NPIPB2: variants seen among roughly 807,000 people sequenced by gnomAD.
The protein encoded by NPIPB2 is nuclear pore complex interacting protein family member B2.
In NPIPB2, 27 loss-of-function variants were observed where a neutral mutation model predicts 30.8. The observed-to-expected ratio is 0.88, with a 90% CI of 0.65 to 1.21. NPIPB2 has a LOEUF of 1.21. NPIPB2 is among the 50% of genes most tolerant of loss of function. The probability of loss-of-function intolerance (pLI) is 0.00; values close to 1 mark genes in which losing one functional copy is unlikely to be tolerated. For synonymous variants in NPIPB2, 147 were observed against 162.0 expected (o/e 0.91, Z 0.70); for missense variants, 440 against 446.2 (o/e 0.99, Z 0.13).
At chr16:11,949,514 G>A (rs367544388) in intron 1 of NPIPB2, among the ~76,000 whole-genome samples, 1 of 152,270 alleles carries the variant, frequency 6.6e-6, no homozygotes, top group East Asian at 1.9e-4. Flanking sequence ...TTCAAATGCA[G>A]CCACAGGAAT....
At chr16:11,975,141 CTTTTTTTTTTTTT>C (rs1195309022) in intron 1 of NPIPB2, among the ~76,000 whole-genome samples, 3 of 37,508 alleles carry the variant, frequency 8.0e-5, no homozygotes, top group South Asian at 2.4e-3. Context: ...AATCCATCAC[CTTTTTTTTTTTTT>C]TTTTTTTTTT....
At chr16:11,944,010 A>AAAAAAAAAAAAAAGAGGCAAAACT (rs2054973881), upstream of NPIPB2, among the ~76,000 whole-genome samples, 1 of 149,918 alleles carries the variant, frequency 6.7e-6, no homozygotes, top group South Asian at 2.1e-4. Flanking sequence ...AAAAAAAAAA[A>AAAAAAAAAAAAAAGAGGCAAAACT]AAAAAGAGGC....
At chr16:11,976,583 C>A in exon 1 of NPIPB2, 3 of 361,634 alleles carry the variant, frequency 8.3e-6, no homozygotes, top group Non-Finnish European at 1.5e-5. Flanking sequence ...GTCTCCAGCC[C>A]GCGTAGCCTC....
At chr16:11,956,780 T>A (rs890342160) in intron 1 of NPIPB2, among the ~76,000 whole-genome samples, 4 of 152,128 alleles carry the variant, frequency 2.6e-5, no homozygotes, top group Admixed American at 2.0e-4. Context: ...CTTCTTGAGG[T>A]CCCCTCCTGA....
upstream of NPIPB2, among the ~76,000 whole-genome samples, chr16:11,945,934 A>G (rs566836331): frequency 2.0e-5 from 3 of 151,876 alleles, no homozygotes; most frequent in South Asian, 6.2e-4. Context: ...AGTTGGATTT[A>G]CCAAGTTAAA....
chr16:11,943,483 C>T (rs1209257688), upstream of NPIPB2, among the ~76,000 whole-genome samples: 1 of 151,790 alleles, frequency 6.6e-6, no homozygotes, highest in African/African-American at 2.4e-5. Flanking sequence ...GCAGGCGGAT[C>T]ACGAGGTTAG....
intron 1 of NPIPB2, among the ~76,000 whole-genome samples, chr16:11,973,075 G>C (rs537829892): frequency 6.7e-6 from 1 of 149,246 alleles, no homozygotes; most frequent in African/African-American, 2.5e-5. Context: ...CAGGAGACTC[G>C]CTTGAACCTG....
chr16:11,968,057 T>TC, intron 1 of NPIPB2: 1 of 561,212 alleles, frequency 1.8e-6, no homozygotes, highest in South Asian at 2.6e-5. Context: ...ATTAAACTCT[T>TC]TTTTTTCCTG....
intron 1 of NPIPB2, among the ~76,000 whole-genome samples, chr16:11,975,954 T>C (rs550112947): frequency 1.3e-5 from 2 of 151,930 alleles, no homozygotes; most frequent in African/African-American, 2.4e-5. Context: ...AGTCCTTTTT[T>C]TCTTTGGTAG....
chr16:11,950,155 A>G (rs1443666927), intron 1 of NPIPB2, among the ~76,000 whole-genome samples: 1 of 151,968 alleles, frequency 6.6e-6, no homozygotes, highest in Non-Finnish European at 1.5e-5. Context: ...GCCTCAGCCT[A>G]CTGAGTAGGT....
chr16:11,928,685 GT>G, intron 7 of NPIPB2: 3 of 521,954 alleles, frequency 5.7e-6, no homozygotes, highest in Non-Finnish European at 7.0e-6. Flanking sequence ...CAAGAAGTCA[GT>G]TAGGCATGGC....
chr16:11,971,540 G>C (rs1042787303), intron 1 of NPIPB2, among the ~76,000 whole-genome samples: 4 of 151,946 alleles, frequency 2.6e-5, no homozygotes, highest in African/African-American at 7.3e-5. Context: ...TGTTACCCAG[G>C]CTGGAGTGCA....
At chr16:11,952,270 C>T (rs1322932356) in intron 1 of NPIPB2, among the ~76,000 whole-genome samples, 1 of 151,158 alleles carries the variant, frequency 6.6e-6, no homozygotes, top group African/African-American at 2.4e-5. Context: ...ATGGTGTGAA[C>T]CGGGGAGGTG....
At chr16:11,951,809 T>A (rs1428951891) in intron 1 of NPIPB2, among the ~76,000 whole-genome samples, 1 of 140,972 alleles carries the variant, frequency 7.1e-6, no homozygotes, top group East Asian at 2.1e-4. Flanking sequence ...GGGCGGATGA[T>A]GAGGTCAGGA....
At chr16:11,966,052 A>C (rs2055190781) in intron 1 of NPIPB2, 2 of 655,004 alleles carry the variant, frequency 3.1e-6, no homozygotes, top group Admixed American at 7.4e-5. Flanking sequence ...TGGAGGTTGC[A>C]GTGAGCCGAG....
intron 1 of NPIPB2, chr16:11,968,087 C>A: frequency 8.9e-6 from 4 of 449,004 alleles, no homozygotes; most frequent in Admixed American, 4.0e-5. Context: ...TTTTTATTAA[C>A]GTGAGTTTTT....
At chr16:11,938,343 G>A (rs931288982) in intron 1 of NPIPB2, among the ~76,000 whole-genome samples, 1 of 145,218 alleles carries the variant, frequency 6.9e-6, no homozygotes, top group Admixed American at 7.0e-5. Flanking sequence ...TTTGTTTGTT[G>A]TTTTTGAGAT....
At chr16:11,935,701 C>T (rs558392305) in intron 2 of NPIPB2, among the ~76,000 whole-genome samples, 6 of 149,506 alleles carry the variant, frequency 4.0e-5, no homozygotes, top group Non-Finnish European at 7.4e-5. Context: ...ACTAGGATTT[C>T]GAGAGAAGCA....
At chr16:11,958,870 CTT>C (rs2055134422) in intron 1 of NPIPB2, among the ~76,000 whole-genome samples, 1 of 152,180 alleles carries the variant, frequency 6.6e-6, no homozygotes, top group African/African-American at 2.4e-5. Flanking sequence ...AGGAATGAGA[CTT>C]TGCACAATTA....
Sources: allele counts gnomAD v4.1 joint callset (sites outside exome capture counted in the v4.1 genomes callset), GRCh38; gene constraint gnomAD v4.1.1; transcripts MANE v1.5; gene names NCBI Gene and HGNC (gene_info 2026-07-23, HGNC 2026-07-21).